Variants in DUT observed in about 807,000 individuals in gnomAD.
DUT encodes the protein deoxyuridine 5'-triphosphate nucleotidohydrolase, mitochondrial.
A neutral mutation model predicts 28.8 loss-of-function variants in DUT; 21 were observed. The ratio of observed to expected loss-of-function variants is 0.73; its 90% confidence interval spans 0.52 to 1.05. The LOEUF is 1.05. Among genes scored for constraint, DUT ranks in the 50% least tolerant of loss-of-function variants. DUT has a pLI of 0.00. For missense variants in DUT, 344 were observed against 351.8 expected, an observed-to-expected ratio of 0.98 and a Z score of 0.18; for synonymous variants, 147 against 143.7, an observed-to-expected ratio of 1.02 and a Z score of -0.17.
In DUT at chr15:48,341,311, T is replaced by C. The variant is rs1430005532; in HGVS notation, c.579T>C (p.Tyr193=). The C allele has an allele frequency of 6.2e-7, 1 of 1,606,148 alleles. No homozygotes were observed. Among genetic ancestry groups the C allele is most frequent in the African/African-American group, 1.3e-5 (1 of 74,744 alleles). ...TAGCTGGTGTCATAGATGAAGATTA[T>C]AGAGGAAATGTTGGTGTTGTACTGT... ...DVGAGVIDED[Y]RGNVGVVLFN... Residue 193 remains tyrosine (Y), a synonymous_variant, in exon 5 of 7, where the codon TAT becomes TAC. Coordinates refer to ENST00000331200, the MANE Select transcript of DUT (RefSeq NM_001025248.2).
chr15:48,342,404 A>G lies in DUT; in HGVS notation c.*326A>G, dbSNP rs1566876051. The stretch of plus-strand genomic sequence containing the variant: ...AAATCAATTACAGATTAAAAAAAAA[A>G]GCCTGTATTTAACTCATATGATCTC... On this transcript the variant is annotated 3_prime_UTR_variant, in exon 7 of 7. Transcript: ENST00000331200. The G allele has an allele frequency of 6.1e-6, 1 of 163,232 alleles. No individual in the cohort carries two copies. The highest frequency in any genetic ancestry group is 1.7e-4 in the East Asian group (1 of 5,970). The allele number at this position is 163,232 out of a possible 1,614,324, so 10.1% of individuals were successfully genotyped here.
In DUT at chr15:48,331,509, G is replaced by A; in HGVS notation, c.-7G>A. On this transcript the variant is annotated 5_prime_UTR_variant, in exon 1 of 7. Coordinates refer to ENST00000331200, the MANE Select transcript of DUT (RefSeq NM_001025248.2). ...CGAGGACCCAACCAGCCCAAACTCT[G>A]GGGGAAATGACTCCCCTCTGCCCTC... The A allele has an allele frequency of 6.2e-7, 1 of 1,611,578 alleles. No homozygotes were observed. The highest frequency in any genetic ancestry group is 1.7e-4 in the Middle Eastern group (1 of 5,998).
chr15:48,334,860 A>G (rs2042458354), intron 3 of DUT, among the ~76,000 whole-genome samples: 1 of 152,202 alleles, frequency 6.6e-6, no homozygotes, highest in South Asian at 2.1e-4. Flanking sequence ...GGGTTAGGGT[A>G]AGGGATACTC....
Position 48,331,623 on chromosome 15 carries a change from G to T in DUT, c.108G>T (p.Ala36=). The T allele has an allele frequency of 1.3e-6, 2 of 1,550,810 alleles. No individual in the cohort carries two copies. The highest frequency in any genetic ancestry group is 1.7e-6 in the Non-Finnish European group (2 of 1,148,640). The change falls in exon 1 of 7, where the codon GCG becomes GCT. Residue 36 remains alanine (A), a synonymous_variant. Coordinates refer to ENST00000331200, the MANE Select transcript of DUT (RefSeq NM_001025248.2). ...ARGARQRAEA[A]VLSGPGPPLG... ...GCGCACGGCAGAGGGCCGAAGCCGC[G>T]GTACTCTCCGGGCCAGGCCCGCCCC...
At chr15:48,339,803 A>C (rs1176603203) in intron 4 of DUT, among the ~76,000 whole-genome samples, 1 of 152,170 alleles carries the variant, frequency 6.6e-6, no homozygotes, top group Non-Finnish European at 1.5e-5. Context: ...AGAAGTGCTT[A>C]AATTCAGATT....
chr15:48,341,429 T>TA, intron 5 of DUT, 66 bp downstream of exon 5: 7 of 1,534,498 alleles, frequency 4.6e-6, no homozygotes, highest in Non-Finnish European at 6.3e-6. Flanking sequence ...TGTAAATTAA[T>TA]ATTGACTCCT....
upstream of DUT, chr15:48,331,291 C>A (rs2042403320): frequency 6.9e-7 from 1 of 1,446,762 alleles, no homozygotes; most frequent in Non-Finnish European, 9.1e-7. Flanking sequence ...GCTAGGCAGC[C>A]AGAGGCGGCA....
At chr15:48,337,138 A>G (rs963948288) in intron 4 of DUT, among the ~76,000 whole-genome samples, 1 of 152,246 alleles carries the variant, frequency 6.6e-6, no homozygotes. Context: ...GTGGGACAAG[A>G]CAGGACCCCA....
chr15:48,335,470 TTTCCTACAGGCATGTC>T (rs2042465611), intron 3 of DUT, among the ~76,000 whole-genome samples: 1 of 152,204 alleles, frequency 6.6e-6, no homozygotes, highest in African/African-American at 2.4e-5. Flanking sequence ...GGTTCATGTG[TTTCCTACAGGCATGTC>T]TTTTGGCATC....
At chr15:48,335,894 T>C in intron 3 of DUT, 152 bp from the exon 4 acceptor site, 2 of 641,596 alleles carry the variant, frequency 3.1e-6, no homozygotes, top group South Asian at 4.0e-5. Flanking sequence ...GTATGATGAA[T>C]ATATATTCTT....
chr15:48,340,797 TA>T (rs1313479864), intron 4 of DUT, among the ~76,000 whole-genome samples: 1 of 152,194 alleles, frequency 6.6e-6, no homozygotes, highest in Non-Finnish European at 1.5e-5. Context: ...AAAAATGGAA[TA>T]TTCTAATATT....
In DUT at chr15:48,331,475, C is replaced by T; in HGVS notation, c.-41C>T. The T allele has an allele frequency of 6.2e-7, 1 of 1,607,018 alleles. No individual in the cohort carries two copies. The highest frequency in any genetic ancestry group is 8.5e-7 in the Non-Finnish European group (1 of 1,177,386). ...TCAGGGTGGAAGCCTGGCGCACGTCCGGAGGTGCCGAGGACCCAACCAGCC... is the reference window on the plus strand; with the variant it reads ...TCAGGGTGGAAGCCTGGCGCACGTCTGGAGGTGCCGAGGACCCAACCAGCC... On this transcript the variant is annotated 5_prime_UTR_variant, in exon 1 of 7. Coordinates refer to ENST00000331200, the MANE Select transcript of DUT (RefSeq NM_001025248.2).
At chr15:48,332,009 G>A (rs1425856088) in intron 1 of DUT, 3 of 944,016 alleles carry the variant, frequency 3.2e-6, no homozygotes, top group South Asian at 2.2e-5. Context: ...CGCGCTGAAT[G>A]TGGAAAGTTG....
chr15:48,332,051 T>C, intron 1 of DUT: 1 of 1,141,382 alleles, frequency 8.8e-7, no homozygotes, highest in Non-Finnish European at 1.2e-6. Flanking sequence ...ATCCCAAACC[T>C]GCTTTCCGAG....
rs997059089 is a variant in DUT at position 48,331,775 on chromosome 15, G to A, written c.260G>A (p.Gly87Glu). 9 of 1,385,754 alleles carry A rather than the reference G, an allele frequency of 6.5e-6. No individual in the cohort carries two copies. The highest frequency in any genetic ancestry group is 8.4e-6 in the Non-Finnish European group (9 of 1,075,316). 85.8% of individuals were successfully genotyped at this position (1,385,754 alleles called of 1,614,324 possible). Residue 87 changes from glycine to glutamate, a missense_variant, in exon 1 of 7, where the codon GGA becomes GAA. Transcript: ENST00000331200. ...AAGGGCGAGCTTCCTAAGGCGGGGG[G>A]AAGCCCGGCGCCGGGGCCGGGTAGG... ...GWKGELPKAGGSPAPGPETPA... is the reference protein window; with the variant it reads ...GWKGELPKAGESPAPGPETPA...
intron 4 of DUT, 56 bp from the exon 5 acceptor site, chr15:48,341,232 AC>A: frequency 9.9e-7 from 1 of 1,009,936 alleles, no homozygotes; most frequent in Non-Finnish European, 1.5e-6. Flanking sequence ...AGATAATCTT[AC>A]ACCTCTAGTA....
rs1329750323 is a variant in DUT, at chr15:48,331,432, C to T, written c.-84C>T. 4 of 1,570,818 alleles carry T rather than the reference C, an allele frequency of 2.5e-6. No individual in the cohort carries two copies. The highest frequency in any genetic ancestry group is 1.4e-5 in the African/African-American group (1 of 73,382). ...CTGCGACTGCTTCCGAGGTCATGTT[C>T]CCAGGACGGGCGCGTCTTCAGGGTG... On this transcript the variant is annotated 5_prime_UTR_variant, in exon 1 of 7. Transcript: ENST00000331200.
chr15:48,331,667 A>T lies in DUT; in HGVS notation c.152A>T (p.His51Leu). The T allele has an allele frequency of 6.5e-7, 1 of 1,535,768 alleles. No individual in the cohort carries two copies. Among genetic ancestry groups the T allele is most frequent in the Non-Finnish European group, 8.8e-7 (1 of 1,141,030 alleles). Reference protein sequence around the residue: ...PGPPLGRAAQHGIPRPLSSAG... With the variant: ...PGPPLGRAAQLGIPRPLSSAG... ...CCGCCCCTCGGCCGCGCCGCGCAGCACGGGATTCCCCGGCCGCTGTCCAGC... is the reference window on the plus strand; with the variant it reads ...CCGCCCCTCGGCCGCGCCGCGCAGCTCGGGATTCCCCGGCCGCTGTCCAGC... Residue 51 changes from histidine (H) to leucine (L), a missense_variant, in exon 1 of 7, where the codon CAC (histidine) becomes CTC (leucine). His to Leu is a moderately conservative substitution (Grantham distance 99). Coordinates refer to ENST00000331200, the MANE Select transcript of DUT (RefSeq NM_001025248.2).
chr15:48,341,857 T>G (rs2042539670), intron 6 of DUT, 165 bp from the exon 7 acceptor site: 1 of 613,400 alleles, frequency 1.6e-6, no homozygotes, highest in South Asian at 2.5e-5. Context: ...AGTATTCTAA[T>G]TTATGGAGCT....
Sources: allele counts gnomAD v4.1 joint callset (sites outside exome capture counted in the v4.1 genomes callset), GRCh38; gene constraint gnomAD v4.1.1; transcripts MANE v1.5; gene names NCBI Gene and HGNC (gene_info 2026-07-23, HGNC 2026-07-21).